Variants in ARLN observed in about 807,000 individuals in gnomAD.
The protein encoded by ARLN is sarcoplasmic/endoplasmic reticulum calcium ATPase regulator ARLN.
At chr4:119,304,258 T>C in the ARLN span, 19 of 1,535,310 alleles carry the variant, frequency 1.2e-5, no homozygotes, top group Non-Finnish European at 1.7e-5. Flanking sequence ...TTGTGAAAAC[T>C]TCACATTTAA....
chr4:119,300,669 C>T, the ARLN span: 4 of 1,548,078 alleles, frequency 2.6e-6, no homozygotes, highest in Non-Finnish European at 3.5e-6. Context: ...TTCCGGAATG[C>T]ACTCTGAACC....
At chr4:119,300,381 A>G in the ARLN span, 1 of 1,613,196 alleles carries the variant, frequency 6.2e-7, no homozygotes, top group Non-Finnish European at 8.5e-7. Context: ...ATCGAAAAGG[A>G]TGAAAAGCCA....
chr4:119,300,701 G>GCCTGGCTCGGCTTTCC, the ARLN span: 1 of 1,529,046 alleles, frequency 6.5e-7, no homozygotes, highest in East Asian at 2.5e-5. Flanking sequence ...GCGCGCAGGC[G>GCCTGGCTCGGCTTTCC]CCTGGCTCGG....
At chr4:119,300,589 G>C in the ARLN span, 1 of 1,613,102 alleles carries the variant, frequency 6.2e-7, no homozygotes, top group Non-Finnish European at 8.5e-7. Context: ...TTAAGTTCCC[G>C]GACTTTGGTG....
the ARLN span, among the ~76,000 whole-genome samples, chr4:119,300,012 A>G: frequency 6.6e-6 from 1 of 152,216 alleles, no homozygotes; most frequent in Non-Finnish European, 1.5e-5. Flanking sequence ...TGGCAGATGA[A>G]AAAATAAAGC....
chr4:119,297,934 T>C, the ARLN span: 1 of 152,662 alleles, frequency 6.6e-6, no homozygotes, highest in African/African-American at 2.4e-5. Context: ...TTTTGTTTTG[T>C]TCACTGCTGT....
chr4:119,303,642 G>A, the ARLN span, among the ~76,000 whole-genome samples: 14 of 152,238 alleles, frequency 9.2e-5, no homozygotes, highest in African/African-American at 2.4e-4. Flanking sequence ...CCAGCACTTC[G>A]GGAGGCCAAG....
At chr4:119,299,259 TC>T in the ARLN span, among the ~76,000 whole-genome samples, 1 of 152,146 alleles carries the variant, frequency 6.6e-6, no homozygotes, top group East Asian at 1.9e-4. Flanking sequence ...GCCCTCTCTG[TC>T]TTCTCTAACT....
At chr4:119,303,273 G>A in the ARLN span, among the ~76,000 whole-genome samples, 8 of 132,280 alleles carry the variant, frequency 6.0e-5, no homozygotes, top group Non-Finnish European at 1.1e-4. Context: ...TTGCTCTGTC[G>A]CCCAGGCTGG....
the ARLN span, chr4:119,300,409 A>G: frequency 6.2e-7 from 1 of 1,613,854 alleles, no homozygotes; most frequent in Non-Finnish European, 8.5e-7. Context: ...AACCAGTAGG[A>G]GTGTTTGGGA....
chr4:119,299,602 C>G, the ARLN span, among the ~76,000 whole-genome samples: 1 of 152,176 alleles, frequency 6.6e-6, no homozygotes, highest in Non-Finnish European at 1.5e-5. Flanking sequence ...TTCCTTTACC[C>G]TCTGCCAGAA....
At chr4:119,298,108 G>A in the ARLN span, 6 of 152,120 alleles carry the variant, frequency 3.9e-5, no homozygotes, top group East Asian at 3.9e-4. Context: ...ATAATCCTTC[G>A]TTATAGGAGG....
chr4:119,298,764 A>G, the ARLN span: 25 of 774,322 alleles, frequency 3.2e-5, 1 homozygote, highest in Admixed American at 1.9e-4. Flanking sequence ...CTTAATTTAG[A>G]TATCAGCGAA....
the ARLN span, chr4:119,298,592 T>C: frequency 2.1e-6 from 1 of 469,604 alleles, no homozygotes; most frequent in Non-Finnish European, 3.9e-6. Flanking sequence ...TAGCTAGGAA[T>C]GGGTGAAATC....
the ARLN span, chr4:119,298,850 A>G: frequency 2.8e-6 from 2 of 721,306 alleles, no homozygotes; most frequent in South Asian, 1.6e-5. Flanking sequence ...ATGCCTATTT[A>G]CATATTGATA....
the ARLN span, chr4:119,300,198 C>T: frequency 1.1e-5 from 8 of 709,788 alleles, no homozygotes; most frequent in East Asian, 7.5e-5. Flanking sequence ...CTCCCCCACC[C>T]ACCCGACTGC....
chr4:119,301,021 A>C, the ARLN span: 1 of 426,570 alleles, frequency 2.3e-6, no homozygotes, highest in Non-Finnish European at 4.2e-6. Flanking sequence ...ATATTTAAAC[A>C]CCACCAATGA....
chr4:119,300,415 T>G, the ARLN span: 2 of 1,613,894 alleles, frequency 1.2e-6, no homozygotes. Flanking sequence ...TAGGAGTGTT[T>G]GGGAAGCCCA....
the ARLN span, chr4:119,300,348 T>A: frequency 6.2e-7 from 1 of 1,605,676 alleles, no homozygotes; most frequent in Non-Finnish European, 8.5e-7. Flanking sequence ...TGGCAAAAAA[T>A]ACACAAAGAG....
Sources: gnomAD v4.1 joint callset for allele counts (sites outside exome capture counted in the v4.1 genomes callset) on GRCh38, gnomAD v4.1.1 for gene constraint, MANE v1.5 for transcripts, NCBI Gene and HGNC (gene_info 2026-07-23, HGNC 2026-07-21) for gene names.